Variants in DGKB observed in about 807,000 individuals in gnomAD.
DGKB encodes diacylglycerol kinase beta, also known as 90 kDa diacylglycerol kinase.
DGKB carries 67 observed loss-of-function variants against 114.3 expected under a neutral mutation model. The ratio of observed to expected loss-of-function variants is 0.59; its 90% confidence interval spans 0.48 to 0.72. The LOEUF (loss-of-function observed/expected upper bound fraction) is 0.72, where lower values mean the gene tolerates loss of function less well. Among genes scored for constraint, DGKB ranks in the 30% least tolerant of loss-of-function variants. The probability of loss-of-function intolerance (pLI) is 0.00; values close to 1 mark genes in which losing one functional copy is unlikely to be tolerated. For synonymous variants in DGKB, 398 were observed against 323.1 expected (o/e 1.23, Z -2.49); for missense variants, 907 against 975.2 (o/e 0.93, Z 0.93).
chr7:14,515,948 G>A (rs1051363206), intron 20 of DGKB, among the ~76,000 whole-genome samples: 6 of 152,050 alleles, frequency 3.9e-5, no homozygotes, highest in African/African-American at 9.7e-5. Context: ...AAGCTCAAGC[G>A]ATCCTCCTGC....
intron 17 of DGKB, among the ~76,000 whole-genome samples, chr7:14,584,130 T>C (rs536943696): frequency 2.8e-4 from 43 of 152,340 alleles, no homozygotes; most frequent in African/African-American, 1.0e-3. Context: ...CTAAGAGAAC[T>C]TTGTGTATCA....
chr7:14,485,300 G>GGTGTGTGTGTGT (rs60976022), intron 20 of DGKB, among the ~76,000 whole-genome samples: 20 of 141,990 alleles, frequency 1.4e-4, no homozygotes, highest in East Asian at 1.1e-3. Context: ...ATGCTCATGA[G>GGTGTGTGTGTGT]GTGTGTGTGT....
chr7:14,688,771 C>G (rs565153687), intron 9 of DGKB, among the ~76,000 whole-genome samples: 1 of 152,042 alleles, frequency 6.6e-6, no homozygotes, highest in Non-Finnish European at 1.5e-5. Flanking sequence ...CTCTTCAGAA[C>G]TTTTAAAACC....
chr7:14,877,061 C>T (rs1218609449), intron 1 of DGKB, among the ~76,000 whole-genome samples: 4 of 152,130 alleles, frequency 2.6e-5, no homozygotes, highest in African/African-American at 7.2e-5. Flanking sequence ...CATAAAAGAA[C>T]TCATATAACC....
chr7:14,721,185 C>T (rs1829107307), intron 5 of DGKB, among the ~76,000 whole-genome samples: 1 of 152,020 alleles, frequency 6.6e-6, no homozygotes, highest in African/African-American at 2.4e-5. Flanking sequence ...TGAAAGAAAG[C>T]CAAATATATT....
intron 9 of DGKB, among the ~76,000 whole-genome samples, chr7:14,690,652 G>C (rs1161128806): frequency 6.6e-6 from 1 of 152,160 alleles, no homozygotes; most frequent in Non-Finnish European, 1.5e-5. Context: ...ATTTGTGCTG[G>C]AACAGCAGAG....
intron 1 of DGKB, among the ~76,000 whole-genome samples, chr7:14,892,862 A>G (rs71538891): frequency 0.21 from 15,765 of 76,064 alleles, 1,152 homozygotes; most frequent in Non-Finnish European, 0.26. Flanking sequence ...CCATATATAT[A>G]TATGTGTGTG....
At chr7:14,303,341 GTAGT>G (rs1469678573) in intron 23 of DGKB, among the ~76,000 whole-genome samples, 1 of 152,040 alleles carries the variant, frequency 6.6e-6, no homozygotes, top group African/African-American at 2.4e-5. Context: ...ATTTCCCGCC[GTAGT>G]TAGTTTTTAA....
intron 4 of DGKB, among the ~76,000 whole-genome samples, chr7:14,738,744 T>A (rs1217052071): frequency 6.6e-6 from 1 of 152,216 alleles, no homozygotes; most frequent in Non-Finnish European, 1.5e-5. Flanking sequence ...TTGTTGTCCT[T>A]GTTGCTGCTT....
intron 2 of DGKB, among the ~76,000 whole-genome samples, chr7:14,792,517 A>C (rs566756241): frequency 2.0e-5 from 3 of 152,128 alleles, no homozygotes; most frequent in Admixed American, 6.6e-5. Context: ...GGGCAAAATG[A>C]ATCTTTTTTT....
intron 1 of DGKB, among the ~76,000 whole-genome samples, chr7:14,965,899 C>A (rs1039912590): frequency 6.6e-6 from 1 of 152,178 alleles, no homozygotes; most frequent in Non-Finnish European, 1.5e-5. Flanking sequence ...TTGCTCTTTT[C>A]ATTACATTTT....
chr7:14,968,460 G>A (rs1451246177), intron 1 of DGKB, among the ~76,000 whole-genome samples: 1 of 152,112 alleles, frequency 6.6e-6, no homozygotes, highest in Admixed American at 6.6e-5. Context: ...GGCTCTTTGT[G>A]AAAAACAATT....
intron 1 of DGKB, among the ~76,000 whole-genome samples, chr7:14,884,418 A>T (rs1854700247): frequency 6.6e-6 from 1 of 151,994 alleles, no homozygotes; most frequent in Non-Finnish European, 1.5e-5. Flanking sequence ...TTAGTTATAA[A>T]TAAAATGGAT....
chr7:14,449,334 C>A (rs1397590488), intron 21 of DGKB, among the ~76,000 whole-genome samples: 1 of 152,002 alleles, frequency 6.6e-6, no homozygotes, highest in Non-Finnish European at 1.5e-5. Context: ...TGTACCTTTG[C>A]ATTTTACTGA....
chr7:14,940,981 G>A (rs116821861), intron 1 of DGKB, among the ~76,000 whole-genome samples: 2,185 of 152,054 alleles, frequency 0.014, 55 homozygotes, highest in African/African-American at 0.05. Flanking sequence ...ATACGACTTT[G>A]ATAGGAGAGA....
chr7:14,529,547 G>A (rs1301289564), intron 20 of DGKB, among the ~76,000 whole-genome samples: 1 of 151,588 alleles, frequency 6.6e-6, no homozygotes, highest in African/African-American at 2.4e-5. Flanking sequence ...AATGAAAAAT[G>A]GATTCTACAT....
intron 6 of DGKB, among the ~76,000 whole-genome samples, chr7:14,717,205 A>G (rs1396785276): frequency 6.6e-6 from 1 of 152,168 alleles, no homozygotes; most frequent in Non-Finnish European, 1.5e-5. Flanking sequence ...AGCAATATAC[A>G]TCCAGCTGAC....
chr7:14,160,598 C>T (rs984904316), intron 25 of DGKB, among the ~76,000 whole-genome samples: 2 of 152,110 alleles, frequency 1.3e-5, no homozygotes, highest in East Asian at 3.9e-4. Context: ...CTACAAACCA[C>T]TGCTCAACTG....
intron 8 of DGKB, among the ~76,000 whole-genome samples, chr7:14,696,716 G>A (rs1210629538): frequency 6.6e-6 from 1 of 152,012 alleles, no homozygotes; most frequent in African/African-American, 2.4e-5. Flanking sequence ...ATTAAGGTGA[G>A]TCAAACAATA....
Sources: allele counts gnomAD v4.1 joint callset (sites outside exome capture counted in the v4.1 genomes callset), GRCh38; gene constraint gnomAD v4.1.1; transcripts MANE v1.5; gene names NCBI Gene and HGNC (gene_info 2026-07-23, HGNC 2026-07-21).